The following CPSF7 variants were observed in gnomAD, a reference collection of about 807,000 sequenced individuals.
The protein encoded by CPSF7 is cleavage and polyadenylation specificity factor subunit 7.
CPSF7 carries 1 observed loss-of-function variant against 44.3 expected under a neutral mutation model. That is an observed-to-expected ratio of 0.02 (90% CI 0.01 to 0.11). The LOEUF (loss-of-function observed/expected upper bound fraction) is 0.11. Among genes scored for constraint, CPSF7 ranks in the 10% least tolerant of loss-of-function variants. CPSF7 has a pLI of 1.00. For synonymous variants in CPSF7, 202 were observed against 222.0 expected, an observed-to-expected ratio of 0.91 and a Z score of 0.80; for missense variants, 443 against 607.2, an observed-to-expected ratio of 0.73 and a Z score of 2.84.
chr11:61,428,997 G>C (rs1287282442), intron 2 of CPSF7, 185 bp downstream of exon 2: 1 of 444,090 alleles, frequency 2.3e-6, no homozygotes, highest in African/African-American at 2.0e-5. Flanking sequence ...ATTAAGCCTG[G>C]AGCTTCAAAT....
In CPSF7 at chr11:61,420,103, A is replaced by G; in HGVS notation, c.378-9T>C. The G allele has an allele frequency of 6.3e-7, 1 of 1,587,242 alleles. No individual in the cohort carries two copies. Among genetic ancestry groups the G allele is most frequent in the South Asian group, 1.1e-5 (1 of 87,650 alleles). On this transcript the variant is annotated splice_polypyrimidine_tract_variant and intron_variant, in intron 4 of 9. Coordinates refer to ENST00000439958, the MANE Select transcript of CPSF7 (RefSeq NM_001142565.3). ...CCACCACCTCAGCATACCTTAGGAA[A>G]GAAAAATTAAAAATGAATGAAATCT...
At chr11:61,416,563 C>G in intron 5 of CPSF7, 44 bp from the exon 6 acceptor site, 1 of 1,591,242 alleles carries the variant, frequency 6.3e-7, no homozygotes, top group Non-Finnish European at 8.6e-7. Flanking sequence ...AGGCTTTACA[C>G]AAACCCACAG....
At chr11:61,412,438 T>C (rs1859940154) in intron 7 of CPSF7, among the ~76,000 whole-genome samples, 2 of 152,036 alleles carry the variant, frequency 1.3e-5, no homozygotes, top group Admixed American at 1.3e-4. Flanking sequence ...TACAGGCGCC[T>C]GCCACCACAC....
chr11:61,406,219 C>A (rs1859303965), intron 9 of CPSF7: 1 of 152,174 alleles, frequency 6.6e-6, no homozygotes, highest in Non-Finnish European at 1.5e-5. Context: ...GAGATTCCTT[C>A]AAGTGGGCCA....
intron 2 of CPSF7, among the ~76,000 whole-genome samples, chr11:61,427,739 G>A (rs910334570): frequency 6.6e-6 from 1 of 151,434 alleles, no homozygotes; most frequent in Non-Finnish European, 1.5e-5. Context: ...CCACAACAGA[G>A]ACAAGAAACC....
At chr11:61,421,348 C>T (rs1432711332) in intron 3 of CPSF7, 42 bp downstream of exon 3, 1 of 1,536,806 alleles carries the variant, frequency 6.5e-7, no homozygotes, top group African/African-American at 1.4e-5. Flanking sequence ...CAGTGCTCTC[C>T]CTCCAGCCCA....
intron 9 of CPSF7, among the ~76,000 whole-genome samples, chr11:61,408,065 T>TC (rs2135249053): frequency 6.6e-6 from 1 of 151,508 alleles, no homozygotes; most frequent in East Asian, 1.9e-4. Context: ...ATCTTTTTTT[T>TC]TTTTTTTTTG....
At chr11:61,427,982 A>G (rs1250246237) in intron 2 of CPSF7, among the ~76,000 whole-genome samples, 1 of 152,210 alleles carries the variant, frequency 6.6e-6, no homozygotes, top group Non-Finnish European at 1.5e-5. Flanking sequence ...TAACCCATTC[A>G]ATACATGCTC....
At chr11:61,409,293 G>A (rs914407583) in intron 9 of CPSF7, among the ~76,000 whole-genome samples, 2 of 151,862 alleles carry the variant, frequency 1.3e-5, no homozygotes, top group Admixed American at 6.6e-5. Flanking sequence ...CCGAGATGAT[G>A]AAACCCCGTC....
chr11:61,405,487 G>T (rs1859230180), intron 9 of CPSF7, among the ~76,000 whole-genome samples: 1 of 152,178 alleles, frequency 6.6e-6, no homozygotes, highest in South Asian at 2.1e-4. Flanking sequence ...ATGCAGTTAA[G>T]AAGTTTTACC....
chr11:61,419,057 C>T (rs963197347), intron 5 of CPSF7, among the ~76,000 whole-genome samples: 2 of 151,958 alleles, frequency 1.3e-5, no homozygotes, highest in Admixed American at 1.3e-4. Flanking sequence ...GAGTCTTGCT[C>T]TGTTGCCCAG....
rs1488217012 is a variant in CPSF7 at position 61,427,051 on chromosome 11, A to AG, written c.54+2130_54+2131insC. The AG allele has an allele frequency of 6.1e-5, 9 of 147,030 alleles. No individual in the cohort carries two copies. In the South Asian group the frequency reaches 1.1e-3, roughly 18 times the overall value. The allele number at this position is 147,030 out of a possible 1,614,324, so 9.1% of individuals were successfully genotyped here. A position where few individuals can be genotyped will look rare whatever the true frequency, so the allele number is the denominator to read the frequency against. On this transcript the variant is annotated intron_variant, in intron 2 of 9. Transcript: ENST00000439958. ...CAAAAAAAAAAAAAAAAAAAAAAAAAAGAGAAGAACTAAGGACCGCTCTTG... is the reference window on the plus strand; with the variant it reads ...CAAAAAAAAAAAAAAAAAAAAAAAAAGAGAGAAGAACTAAGGACCGCTCTTG...
rs1171154761 is a variant in CPSF7 at position 61,404,065 on chromosome 11, G to A, written c.*645C>T. On this transcript the variant is annotated 3_prime_UTR_variant, in exon 10 of 10. Transcript: ENST00000439958. ...GGCTGGGCAGCGCAGAGTTGAAAGA[G>A]TTCAGCCCTCTGGGAGGTCAAAGAA... 5 of 152,648 alleles carry A rather than the reference G, an allele frequency of 3.3e-5. No individual in the cohort carries two copies. The highest frequency in any genetic ancestry group is 3.3e-4 in the Admixed American group (5 of 15,278). The allele number at this position is 152,648 out of a possible 1,614,324, so 9.5% of individuals were successfully genotyped here.
intron 9 of CPSF7, chr11:61,406,144 G>A (rs1859299061): frequency 6.6e-6 from 1 of 152,194 alleles, no homozygotes; most frequent in Non-Finnish European, 1.5e-5. Context: ...GCAAGCCATA[G>A]CACTGAATTC....
intron 1 of CPSF7, 91 bp downstream of exon 1, chr11:61,429,823 C>T: frequency 6.5e-7 from 1 of 1,548,250 alleles, no homozygotes; most frequent in Non-Finnish European, 8.7e-7. Context: ...AGACTCCGGC[C>T]GTCCCATCTC....
chr11:61,419,824 T>C, intron 5 of CPSF7, 125 bp downstream of exon 5: 1 of 1,202,058 alleles, frequency 8.3e-7, no homozygotes, highest in Non-Finnish European at 1.2e-6. Flanking sequence ...ACAACCACCA[T>C]CACCCTCCCC....
intron 9 of CPSF7, among the ~76,000 whole-genome samples, chr11:61,407,329 C>T (rs977533944): frequency 6.6e-6 from 1 of 152,162 alleles, no homozygotes; most frequent in African/African-American, 2.4e-5. Context: ...CAGTCAGCTC[C>T]AAAAGACATA....
Position 61,421,466 on chromosome 11 carries a change from T to C in CPSF7, c.197A>G (p.Lys66Arg). ...RQEPSPKPNN[K>R]TPAILYTYSG... is the part of the protein sequence containing the mutation. ...GTAGGTATACAGAATTGCAGGGGTC[T>C]TGTTGTTGGGCTTGGGAGATGGCTC... The change falls in exon 3 of 10, where the codon AAG becomes AGG. Residue 66 changes from lysine to arginine, a missense_variant. Lys to Arg is a conservative substitution (Grantham distance 26). Coordinates refer to ENST00000439958, the MANE Select transcript of CPSF7 (RefSeq NM_001142565.3). The C allele has an allele frequency of 6.2e-7, 1 of 1,614,102 alleles. No homozygotes were observed. Among genetic ancestry groups the C allele is most frequent in the Non-Finnish European group, 8.5e-7 (1 of 1,180,016 alleles).
At chr11:61,405,006 T>C (rs1298077808) in intron 9 of CPSF7, among the ~76,000 whole-genome samples, 1 of 152,158 alleles carries the variant, frequency 6.6e-6, no homozygotes, top group Non-Finnish European at 1.5e-5. Context: ...AAAGGAGACT[T>C]TGGCTGCAAA....
Sources: allele counts gnomAD v4.1 joint callset (sites outside exome capture counted in the v4.1 genomes callset), GRCh38; gene constraint gnomAD v4.1.1; transcripts MANE v1.5; gene names NCBI Gene and HGNC (gene_info 2026-07-23, HGNC 2026-07-21).